The following SREBF2 variants were observed in gnomAD, a reference collection of about 807,000 sequenced individuals.
SREBF2 encodes sterol regulatory element binding transcription factor 2, also known as sterol regulatory element-binding protein 2.
A neutral mutation model predicts 113.1 loss-of-function variants in SREBF2; 55 were observed. That is an observed-to-expected ratio of 0.49 (90% confidence interval 0.39 to 0.61). The LOEUF (loss-of-function observed/expected upper bound fraction) is 0.61. Ranked by LOEUF, SREBF2 falls within the 20% of genes least tolerant of loss-of-function variation. The pLI, the probability that SREBF2 is intolerant of heterozygous loss-of-function variation, is 0.00. For synonymous variants in SREBF2, 593 were observed against 605.7 expected (o/e 0.98, Z 0.31); for missense variants, 1,349 against 1,487.4 (o/e 0.91, Z 1.53).
intron 15 of SREBF2, 122 bp downstream of exon 15, chr22:41,898,903 G>C (rs2077439718): frequency 6.2e-6 from 9 of 1,442,090 alleles, no homozygotes; most frequent in Non-Finnish European, 7.6e-6. Flanking sequence ...ATGACAGGTG[G>C]GCGGCTAGAA....
intron 1 of SREBF2, among the ~76,000 whole-genome samples, chr22:41,851,685 G>A (rs2076932338): frequency 6.6e-6 from 1 of 151,914 alleles, no homozygotes; most frequent in Non-Finnish European, 1.5e-5. Flanking sequence ...AGTAGAGAGA[G>A]GGTTTCACCC....
intron 1 of SREBF2, among the ~76,000 whole-genome samples, chr22:41,852,851 G>C (rs985282842): frequency 6.8e-6 from 1 of 147,382 alleles, no homozygotes; most frequent in African/African-American, 2.5e-5. Flanking sequence ...CACCTCCTGG[G>C]TTCAGGTGAT....
At chr22:41,904,083 G>T (rs762277912) in intron 17 of SREBF2, among the ~76,000 whole-genome samples, 1 of 152,134 alleles carries the variant, frequency 6.6e-6, no homozygotes, top group Non-Finnish European at 1.5e-5. Flanking sequence ...TTGCTATGTG[G>T]CCCAGGCTGG....
intron 1 of SREBF2, among the ~76,000 whole-genome samples, chr22:41,841,347 G>T (rs1361712239): frequency 6.6e-6 from 1 of 152,234 alleles, no homozygotes; most frequent in African/African-American, 2.4e-5. Context: ...TGGGTTGAAA[G>T]AGCTGCTGTT....
chr22:41,837,686 C>T (rs921984291), intron 1 of SREBF2, among the ~76,000 whole-genome samples: 1 of 151,542 alleles, frequency 6.6e-6, no homozygotes, highest in Non-Finnish European at 1.5e-5. Flanking sequence ...TGGAGAAACC[C>T]CGTCTCTACT....
At chr22:41,891,246 G>A (rs2077359076) in intron 11 of SREBF2, 2 of 152,150 alleles carry the variant, frequency 1.3e-5, no homozygotes, top group African/African-American at 2.4e-5. Flanking sequence ...TCCCACCATT[G>A]CAGTTATCAG....
chr22:41,887,163 CAAGAT>C (rs2077307477), intron 11 of SREBF2, among the ~76,000 whole-genome samples: 1 of 151,408 alleles, frequency 6.6e-6, no homozygotes, highest in Non-Finnish European at 1.5e-5. Context: ...TGTAATGAGC[CAAGAT>C]TGCACCACTG....
intron 1 of SREBF2, among the ~76,000 whole-genome samples, chr22:41,837,323 C>G (rs971092133): frequency 1.3e-5 from 2 of 151,584 alleles, no homozygotes; most frequent in African/African-American, 4.9e-5. Context: ...TTTGGGAGGC[C>G]GAGGTGGGCG....
intron 1 of SREBF2, among the ~76,000 whole-genome samples, chr22:41,860,382 C>G (rs1271963015): frequency 6.6e-6 from 1 of 152,134 alleles, no homozygotes; most frequent in African/African-American, 2.4e-5. Context: ...AGTTAGTACT[C>G]AGTCATGCAA....
intron 15 of SREBF2, 175 bp from the exon 16 acceptor site, chr22:41,900,155 G>C: frequency 6.7e-7 from 1 of 1,503,322 alleles, no homozygotes; most frequent in Non-Finnish European, 8.9e-7. Flanking sequence ...CCCTAGCTCA[G>C]GGCTGGCATT....
chr22:41,855,949 G>T (rs1295519941), intron 1 of SREBF2, among the ~76,000 whole-genome samples: 1 of 151,174 alleles, frequency 6.6e-6, no homozygotes, highest in African/African-American at 2.4e-5. Context: ...GAGAGATGGG[G>T]TCTCACTATT....
Position 41,868,767 on chromosome 22 carries a change from C to T in SREBF2, c.695C>T (p.Ala232Val). The T allele has an allele frequency of 1.2e-6, 2 of 1,613,286 alleles. No individual in the cohort carries two copies. Among genetic ancestry groups the T allele is most frequent in the Non-Finnish European group, 1.7e-6 (2 of 1,179,632 alleles). The change falls in exon 3 of 19, where the codon GCT becomes GTT. Residue 232 changes from alanine to valine, a missense_variant. Ala to Val is a moderately conservative substitution (Grantham distance 64, BLOSUM62 0). Coordinates refer to ENST00000361204, the MANE Select transcript of SREBF2 (RefSeq NM_004599.4). ...GCCCCGGCTACGGTGCAGACAGTTG[C>T]TGCGCCACAGGTGCAGCAGGTCCCG... ...TLAPATVQTV[A>V]APQVQQVPVL...
intron 3 of SREBF2, among the ~76,000 whole-genome samples, chr22:41,869,976 C>T (rs910527468): frequency 1.3e-5 from 2 of 152,010 alleles, no homozygotes; most frequent in African/African-American, 2.4e-5. Flanking sequence ...CTGCCTCGGC[C>T]TCCCGAGTAG....
At position 41,875,735 on chromosome 22, in the gene SREBF2, T is replaced by C. The variant is rs1040285383; in HGVS notation, c.1386+11T>C. On this transcript the variant is annotated intron_variant, in intron 7 of 18. Transcript: ENST00000361204. The stretch of plus-strand genomic sequence containing the variant: ...TTGGATGATGCAAAGGTACAGACTT[T>C]TGAAATCTCCTGATCCCTGGAATCT... 7 of 1,614,036 alleles carry C rather than the reference T, an allele frequency of 4.3e-6. No individual in the cohort carries two copies. In the Middle Eastern group the frequency reaches 8.3e-4, roughly 190 times the overall value.
At position 41,880,928 on chromosome 22, in the gene SREBF2, A is replaced by C; in HGVS notation, c.1974A>C (p.Glu658Asp). Residue 658 changes from glutamate to aspartate, a missense_variant, in exon 10 of 19, where the codon GAA becomes GAC. Transcript: ENST00000361204. ...TPATEAGFED[E>D]AKTSARDAAL... ...CCACTGAGGCAGGCTTTGAAGACGA[A>C]GCTAAGACCAGCGCCCGGGATGCGG... 6.2e-7 allele frequency: 1 copy of C among 1,613,108 alleles called. No homozygotes were observed. The highest frequency in any genetic ancestry group is 8.5e-7 in the Non-Finnish European group (1 of 1,180,024).
chr22:41,836,337 C>T (rs894975975), intron 1 of SREBF2, among the ~76,000 whole-genome samples: 1 of 152,180 alleles, frequency 6.6e-6, no homozygotes, highest in African/African-American at 2.4e-5. Flanking sequence ...AGATGAGAAA[C>T]TCTAGTGCCA....
chr22:41,899,396 A>C, intron 15 of SREBF2: 2 of 1,000,184 alleles, frequency 2.0e-6, no homozygotes, highest in Non-Finnish European at 2.4e-6. Context: ...CTGCCTGCTG[A>C]CTCCCCGGCT....
chr22:41,871,109 A>G, intron 4 of SREBF2, 74 bp downstream of exon 4: 1 of 1,577,066 alleles, frequency 6.3e-7, no homozygotes, highest in Non-Finnish European at 8.7e-7. Context: ...AGAGATGTTA[A>G]ATCTCTATAT....
intron 4 of SREBF2, 128 bp downstream of exon 4, chr22:41,871,163 T>G (rs981960906): frequency 2.4e-6 from 3 of 1,273,440 alleles, no homozygotes; most frequent in Non-Finnish European, 3.3e-6. Flanking sequence ...TCAGTCAAAT[T>G]GTAAATGTCA....
Sources: allele counts gnomAD v4.1 joint callset (sites outside exome capture counted in the v4.1 genomes callset), GRCh38; gene constraint gnomAD v4.1.1; transcripts MANE v1.5; gene names NCBI Gene and HGNC (gene_info 2026-07-23, HGNC 2026-07-21).